The following FAM13B variants were observed in gnomAD, a reference collection of about 807,000 sequenced individuals.
The protein encoded by FAM13B is family with sequence similarity 13 member B.
A neutral mutation model predicts 117.3 loss-of-function variants in FAM13B; 60 were observed. The observed-to-expected ratio is 0.51, with a 90% CI of 0.42 to 0.63. The LOEUF (loss-of-function observed/expected upper bound fraction) is 0.63. Ranked by LOEUF, FAM13B falls within the 30% of genes least tolerant of loss-of-function variation. The pLI is 0.00. For synonymous variants in FAM13B, 332 were observed against 356.1 expected (o/e 0.93, Z 0.76); for missense variants, 972 against 1,091.9 (o/e 0.89, Z 1.55).
At chr5:138,008,457 A>G (rs1783095612) in intron 6 of FAM13B, among the ~76,000 whole-genome samples, 2 of 152,164 alleles carry the variant, frequency 1.3e-5, no homozygotes, top group African/African-American at 4.8e-5. Context: ...TAAATAAAGT[A>G]TAATACAGTA....
intron 10 of FAM13B, among the ~76,000 whole-genome samples, chr5:137,981,816 G>GA (rs1237216627): frequency 1.3e-5 from 2 of 151,918 alleles, no homozygotes; most frequent in Non-Finnish European, 2.9e-5. Context: ...GGCGGAATGC[G>GA]AAGCAGGGAA....
chr5:137,959,759 G>C lies in FAM13B; in HGVS notation c.1298C>G (p.Ser433Cys). 1 of 1,613,234 alleles carries C rather than the reference G, an allele frequency of 6.2e-7. No individual in the cohort carries two copies. Among genetic ancestry groups the C allele is most frequent in the Non-Finnish European group, 8.5e-7 (1 of 1,179,556 alleles). The change falls in exon 13 of 24, where the codon TCT becomes TGT. Residue 433 changes from serine (S) to cysteine (C), a missense_variant. Coordinates refer to ENST00000689681, the MANE Select transcript of FAM13B (RefSeq NM_001385994.1). Reference sequence around the variant, plus strand: ...ATTCAAATCACATATCTTGCTACTAGAATCCTGTATTTTAAAATAAAGAAT... The same window carrying C: ...ATTCAAATCACATATCTTGCTACTACAATCCTGTATTTTAAAATAAAGAAT... The part of the protein sequence containing the change: ...SDKLSHLILD[S>C]SSKICDLNAN...
chr5:137,957,959 A>G (rs548810260), intron 13 of FAM13B, among the ~76,000 whole-genome samples: 3 of 152,366 alleles, frequency 2.0e-5, no homozygotes, highest in Non-Finnish European at 2.9e-5. Context: ...TCCTCTTCAG[A>G]CAATGAAAAA....
In FAM13B at chr5:137,944,446, C is replaced by T. The variant is rs371913591; in HGVS notation, c.2341-1230G>A. 5.9e-5 allele frequency among the ~76,000 whole-genome samples: 9 copies of T among 152,068 alleles called. No homozygotes were observed. In the South Asian group the frequency reaches 6.2e-4, roughly 11 times the overall value. On this transcript the variant is annotated intron_variant, in intron 20 of 23. Transcript: ENST00000689681. ...GGATAAAGAAAATGTGGTACATATA[C>T]GCCATGAAATATTATACAGCCATAA...
chr5:138,001,954 T>TA (rs1781375393), intron 7 of FAM13B, among the ~76,000 whole-genome samples: 1 of 152,032 alleles, frequency 6.6e-6, no homozygotes. Flanking sequence ...GTACAGCAGT[T>TA]AGAGGTGGGA....
chr5:137,962,685 A>C (rs925713358), intron 10 of FAM13B, among the ~76,000 whole-genome samples: 1 of 152,080 alleles, frequency 6.6e-6, no homozygotes, highest in African/African-American at 2.4e-5. Flanking sequence ...GGTACTCTGC[A>C]TTTCTCTCTA....
intron 1 of FAM13B, among the ~76,000 whole-genome samples, chr5:138,044,557 A>G (rs899743401): frequency 6.6e-6 from 1 of 151,850 alleles, no homozygotes; most frequent in African/African-American, 2.4e-5. Context: ...ATCTCGAAAA[A>G]AAAAAAAAAA....
rs1158179498 is a variant in FAM13B at position 137,968,438 on chromosome 5, CAAAAA to C, written c.1180-5974_1180-5970del. Among the ~76,000 whole-genome samples, 109 of 57,982 alleles carry C rather than the reference CAAAAA, an allele frequency of 1.9e-3. 1 individual carries two copies. The highest frequency in any genetic ancestry group is 6.8e-3 in the African/African-American group (104 of 15,334). 38.0% of individuals were successfully genotyped at this position (57,982 alleles called of 152,430 possible). On this transcript the variant is annotated intron_variant, in intron 10 of 23. Transcript: ENST00000689681. ...CCTGGGCAAGACTGAGACTCTGTCT[CAAAAA>C]AAAAAAAAAAAAAAATTCTTAAGAT...
chr5:138,049,572 C>T (rs1231920039), intron 1 of FAM13B, among the ~76,000 whole-genome samples: 1 of 152,086 alleles, frequency 6.6e-6, no homozygotes, highest in African/African-American at 2.4e-5. Flanking sequence ...CGTGCCCGGC[C>T]TAGAGTGATA....
chr5:138,014,690 A>T (rs1162418890), intron 4 of FAM13B, among the ~76,000 whole-genome samples: 3 of 152,186 alleles, frequency 2.0e-5, no homozygotes, highest in African/African-American at 7.2e-5. Context: ...ATACTACACC[A>T]TTTGACTTGA....
intron 1 of FAM13B, among the ~76,000 whole-genome samples, chr5:138,024,271 A>C (rs1164025456): frequency 6.6e-6 from 1 of 151,998 alleles, no homozygotes; most frequent in Non-Finnish European, 1.5e-5. Context: ...AAATCCAATG[A>C]CTCATGCCCT....
chr5:137,989,506 G>A (rs1778078135), intron 7 of FAM13B, among the ~76,000 whole-genome samples: 1 of 152,136 alleles, frequency 6.6e-6, no homozygotes, highest in Non-Finnish European at 1.5e-5. Context: ...CGTCTCCAGG[G>A]AAGTGTTTAC....
intron 1 of FAM13B, among the ~76,000 whole-genome samples, chr5:138,047,504 CA>C (rs61692745): frequency 0.77 from 105,359 of 137,500 alleles, 38,477 homozygotes; most frequent in East Asian, 0.97. Context: ...GACTCCATCT[CA>C]AAAAAAAAAA....
At position 138,011,623 on chromosome 5, in the gene FAM13B, T is replaced by C. The variant is rs1784044554; in HGVS notation, c.548+145A>G. 8 of 542,294 alleles carry C rather than the reference T, an allele frequency of 1.5e-5. No homozygotes were observed. In the East Asian group the frequency reaches 3.0e-4, roughly 20 times the overall value. The allele number at this position is 542,294 out of a possible 1,614,324, so 33.6% of individuals were successfully genotyped here. ...TTAGTAGAGACGGGGTTTCACCGTG[T>C]TAGCCAGGATGGTCTCAATCTCCTG... On this transcript the variant is annotated intron_variant, in intron 5 of 23. Coordinates refer to ENST00000689681, the MANE Select transcript of FAM13B (RefSeq NM_001385994.1).
At chr5:138,029,026 A>G (rs1027624925) in intron 1 of FAM13B, among the ~76,000 whole-genome samples, 1 of 147,834 alleles carries the variant, frequency 6.8e-6, no homozygotes, top group African/African-American at 2.4e-5. Flanking sequence ...GTCTCAAAAA[A>G]AAGAAAAAAA....
At chr5:138,011,718 T>C (rs748259732) in intron 5 of FAM13B, 50 bp downstream of exon 5, 6 of 1,416,402 alleles carry the variant, frequency 4.2e-6, no homozygotes, top group Non-Finnish European at 5.8e-6. Context: ...GTGCCCGGCC[T>C]CACATATCTA....
Position 138,025,011 on chromosome 5 carries a change from T to C in FAM13B, c.-202-3814A>G, listed in dbSNP as rs139310904. On this transcript the variant is annotated intron_variant, in intron 1 of 23. Coordinates refer to ENST00000689681, the MANE Select transcript of FAM13B (RefSeq NM_001385994.1). ...TCAGCCTCCTGAGTAGTAGAGATCA[T>C]AGGCACGTGCCACCATGCACGGCTA... 2.0e-3 allele frequency among the ~76,000 whole-genome samples: 310 copies of C among 151,582 alleles called. 9 individuals are homozygous for C. The East Asian group carries it at 0.049, about 24-fold the overall frequency.
In FAM13B at chr5:138,007,057, T is replaced by C. The variant is rs772773427; in HGVS notation, c.781A>G (p.Met261Val). 5 of 1,613,468 alleles carry C rather than the reference T, an allele frequency of 3.1e-6. No homozygotes were observed. Among genetic ancestry groups the C allele is most frequent in the East Asian group, 4.5e-5 (2 of 44,810 alleles). ...ATCCTTAATTGTACCACCTCTGGCA[T>C]GTCATTTGATTTTTCTGCACCCTCT... Reference protein sequence around the residue: ...PEEGAEKSNDMPEVVQLRMTE... With the variant: ...PEEGAEKSNDVPEVVQLRMTE... The change falls in exon 7 of 24, where the codon ATG becomes GTG. Residue 261 changes from methionine (M) to valine (V), a missense_variant. Coordinates refer to ENST00000689681, the MANE Select transcript of FAM13B (RefSeq NM_001385994.1).
chr5:137,971,434 C>T (rs4835740), intron 10 of FAM13B, among the ~76,000 whole-genome samples: 107,474 of 146,566 alleles, frequency 0.73, 40,072 homozygotes, highest in East Asian at 0.97. Context: ...ACACAACATA[C>T]CAGAATCTCT....
Sources: allele counts gnomAD v4.1 joint callset (sites outside exome capture counted in the v4.1 genomes callset), GRCh38; gene constraint gnomAD v4.1.1; transcripts MANE v1.5; gene names NCBI Gene and HGNC (gene_info 2026-07-23, HGNC 2026-07-21).